The following NUP155 variants were observed in gnomAD, a reference collection of about 807,000 sequenced individuals.
The protein encoded by NUP155 is nuclear pore complex protein Nup155.
Under a neutral mutation model 180.4 loss-of-function variants are expected in NUP155, and 71 were observed. The ratio of observed to expected loss-of-function variants is 0.39; its 90% CI spans 0.33 to 0.48. NUP155 has a LOEUF of 0.48. Ranked by LOEUF, NUP155 falls within the 20% of genes least tolerant of loss-of-function variation. The probability of loss-of-function intolerance (pLI) is 0.91; values close to 1 mark genes in which losing one functional copy is unlikely to be tolerated. For missense variants in NUP155, 1,553 were observed against 1,648.9 expected, an observed-to-expected ratio of 0.94 and a Z score of 1.01; for synonymous variants, 582 against 559.5, an observed-to-expected ratio of 1.04 and a Z score of -0.57.
chr5:37,370,809 A>G lies in NUP155; in HGVS notation c.157+12T>C. 1 of 1,614,190 alleles carries G rather than the reference A, an allele frequency of 6.2e-7. No homozygotes were observed. The highest frequency in any genetic ancestry group is 2.2e-5 in the East Asian group (1 of 44,886). On this transcript the variant is annotated intron_variant, in intron 1 of 34. Coordinates refer to ENST00000231498, the MANE Select transcript of NUP155 (RefSeq NM_153485.3). ...TCCTTTAGGTTGAGAAAGCAGGGTC[A>G]CTATCACTCACTTGGGGCAGACACC...
At chr5:37,359,014 C>CA (rs35596568) in intron 3 of NUP155, among the ~76,000 whole-genome samples, 10,631 of 127,566 alleles carry the variant, frequency 0.083, 1,079 homozygotes, top group African/African-American at 0.25. Context: ...GACTCCGTCT[C>CA]AAAAAAAAAA....
intron 4 of NUP155, among the ~76,000 whole-genome samples, chr5:37,357,399 C>CAAAA (rs397997409): frequency 3.8e-4 from 12 of 31,298 alleles, no homozygotes; most frequent in East Asian, 1.1e-3. Context: ...ACCTTAATCT[C>CAAAA]AAAAAAAAAA....
At position 37,368,071 on chromosome 5, in the gene NUP155, G is replaced by A. The variant is rs140936635; in HGVS notation, c.157+2750C>T. 6.0e-3 allele frequency among the ~76,000 whole-genome samples: 903 copies of A among 151,724 alleles called. 8 individuals are homozygous for A. Among genetic ancestry groups the A allele is most frequent in the African/African-American group, 0.02 (824 of 41,370 alleles). On this transcript the variant is annotated intron_variant, in intron 1 of 34. Coordinates refer to ENST00000231498, the MANE Select transcript of NUP155 (RefSeq NM_153485.3). ...GCTGGGATTATGGGCGTGAGCCACC[G>A]CACCCAGCCACTTTTTGTAGAGACA...
intron 11 of NUP155, among the ~76,000 whole-genome samples, chr5:37,339,947 A>G (rs569941419): frequency 6.6e-6 from 1 of 152,228 alleles, no homozygotes; most frequent in East Asian, 1.9e-4. Context: ...TTTTTAGTAG[A>G]GACAGGGTTT....
At chr5:37,301,877 A>G (rs1742880192) in intron 29 of NUP155, among the ~76,000 whole-genome samples, 1 of 152,188 alleles carries the variant, frequency 6.6e-6, no homozygotes, top group South Asian at 2.1e-4. Flanking sequence ...GAGTAGAAGT[A>G]GTGTGTCATG....
chr5:37,328,221 C>G (rs1744730893), intron 17 of NUP155, 137 bp downstream of exon 17: 1 of 724,446 alleles, frequency 1.4e-6, no homozygotes, highest in Non-Finnish European at 2.3e-6. Context: ...CCAAAACTTG[C>G]TTGGACAGCG....
intron 21 of NUP155, among the ~76,000 whole-genome samples, chr5:37,315,193 A>G (rs1021174994): frequency 6.6e-6 from 1 of 152,186 alleles, no homozygotes; most frequent in African/African-American, 2.4e-5. Context: ...GATTGTGCCA[A>G]TGCACTCCAG....
At chr5:37,296,526 A>G (rs1742584537) in intron 32 of NUP155, among the ~76,000 whole-genome samples, 1 of 151,616 alleles carries the variant, frequency 6.6e-6, no homozygotes, top group Non-Finnish European at 1.5e-5. Flanking sequence ...CCTAATCTCA[A>G]GTACCCAGGG....
In NUP155 at chr5:37,309,109, AG is replaced by A; in HGVS notation, c.2767+19del. ...TCTTTTGAGTTGAGTAAAAGATACA[AG>A]AAACATTTTATTTCTCACCTTGTCT... On this transcript the variant is annotated intron_variant, in intron 24 of 34. Coordinates refer to ENST00000231498, the MANE Select transcript of NUP155 (RefSeq NM_153485.3). The A allele has an allele frequency of 6.2e-7, 1 of 1,611,410 alleles. No homozygotes were observed. Among genetic ancestry groups the A allele is most frequent in the South Asian group, 1.1e-5 (1 of 91,014 alleles).
chr5:37,331,626 T>C (rs1159107210), intron 14 of NUP155, 59 bp downstream of exon 14: 1 of 895,934 alleles, frequency 1.1e-6, no homozygotes, highest in Non-Finnish European at 1.8e-6. Flanking sequence ...TTACATAAAC[T>C]ATGACTCCCA....
chr5:37,325,084 G>C (rs908654465), intron 19 of NUP155, among the ~76,000 whole-genome samples: 1 of 152,182 alleles, frequency 6.6e-6, no homozygotes, highest in African/African-American at 2.4e-5. Context: ...CCAGGAGGCA[G>C]GGGTTACGAT....
chr5:37,358,962 G>C (rs927777246), intron 3 of NUP155, among the ~76,000 whole-genome samples: 22 of 150,104 alleles, frequency 1.5e-4, no homozygotes, highest in South Asian at 1.3e-3. Flanking sequence ...GTTGCAGTGA[G>C]CCGAGATCAC....
chr5:37,332,847 C>CA (rs1745068359), intron 13 of NUP155, among the ~76,000 whole-genome samples: 1 of 152,086 alleles, frequency 6.6e-6, no homozygotes, highest in Non-Finnish European at 1.5e-5. Flanking sequence ...TTCCCAGCTA[C>CA]TCAGGAGGCT....
chr5:37,318,421 A>G (rs1310013303), intron 20 of NUP155, among the ~76,000 whole-genome samples: 1 of 152,190 alleles, frequency 6.6e-6, no homozygotes, highest in African/African-American at 2.4e-5. Context: ...TAGATACAAA[A>G]GAGTTAATAT....
chr5:37,343,040 T>C (rs1745839994), intron 9 of NUP155, among the ~76,000 whole-genome samples: 1 of 151,930 alleles, frequency 6.6e-6, no homozygotes, highest in Admixed American at 6.6e-5. Flanking sequence ...TGAGCCACTG[T>C]GCCCGACCAC....
Position 37,291,756 on chromosome 5 carries a change from C to A in NUP155, c.*144G>T. ...AAAAAGAATTCATTTAGCAAAGGTA[C>A]TATTTGTAGATATTAGCCACTTATT... On this transcript the variant is annotated 3_prime_UTR_variant, in exon 35 of 35. Coordinates refer to ENST00000231498, the MANE Select transcript of NUP155 (RefSeq NM_153485.3). The A allele has an allele frequency of 1.5e-6, 1 of 675,472 alleles. No homozygotes were observed. Among genetic ancestry groups the A allele is most frequent in the South Asian group, 2.1e-5 (1 of 46,640 alleles). 41.8% of individuals were successfully genotyped at this position (675,472 alleles called of 1,614,324 possible).
At position 37,331,674 on chromosome 5, in the gene NUP155, T is replaced by A; in HGVS notation, c.1629+11A>T. The A allele has an allele frequency of 1.4e-6, 2 of 1,459,346 alleles. No individual in the cohort carries two copies. Among genetic ancestry groups the A allele is most frequent in the Non-Finnish European group, 1.9e-6 (2 of 1,045,424 alleles). The allele number at this position is 1,459,346 out of a possible 1,614,324, so 90.4% of individuals were successfully genotyped here. ...AATAGCATCACATTTTTTAAAAGTATATATAATTACCTGATGTAATTTAAA... is the reference window on the plus strand; with the variant it reads ...AATAGCATCACATTTTTTAAAAGTAAATATAATTACCTGATGTAATTTAAA... On this transcript the variant is annotated intron_variant, in intron 14 of 34. Transcript: ENST00000231498.
intron 18 of NUP155, 21 bp from the exon 19 acceptor site, chr5:37,325,988 ATG>A: frequency 6.6e-7 from 1 of 1,519,616 alleles, no homozygotes; most frequent in Non-Finnish European, 9.1e-7. Flanking sequence ...AAAAGTTTTA[ATG>A]ATTGTGCTGT....
intron 30 of NUP155, 29 bp downstream of exon 30, chr5:37,301,408 T>C: frequency 1.4e-6 from 2 of 1,441,230 alleles, no homozygotes; most frequent in South Asian, 2.3e-5. Flanking sequence ...AGGTAACTAC[T>C]ATAAAAATTT....
Sources: gnomAD v4.1 joint callset for allele counts (sites outside exome capture counted in the v4.1 genomes callset) on GRCh38, gnomAD v4.1.1 for gene constraint, MANE v1.5 for transcripts, NCBI Gene and HGNC (gene_info 2026-07-23, HGNC 2026-07-21) for gene names.